The following WNK1 variants were observed in gnomAD, a reference collection of about 807,000 sequenced individuals.
WNK1 encodes the protein WNK lysine deficient protein kinase 1, also known as serine/threonine-protein kinase WNK1.
A neutral mutation model predicts 222.8 loss-of-function variants in WNK1; 38 were observed. The ratio of observed to expected loss-of-function variants is 0.17; its 90% CI spans 0.13 to 0.22. The LOEUF is 0.22. Among genes scored for constraint, WNK1 ranks in the 10% least tolerant of loss-of-function variants. WNK1 has a pLI of 1.00. For missense variants in WNK1, 2,348 were observed against 2,918.4 expected, an observed-to-expected ratio of 0.80 and a Z score of 4.50; for synonymous variants, 1,090 against 1,092.9, an observed-to-expected ratio of 1.00 and a Z score of 0.05.
chr12:814,056 G>A (rs1227102432), intron 2 of WNK1, among the ~76,000 whole-genome samples: 1 of 152,206 alleles, frequency 6.6e-6, no homozygotes, highest in African/African-American at 2.4e-5. Context: ...GCTCATGCCT[G>A]TAATCCCAGC....
chr12:881,926 T>G lies in WNK1; in HGVS notation c.3225T>G (p.Val1075=), dbSNP rs370823965. Residue 1075 remains valine, a synonymous_variant, in exon 14 of 28, where the codon GTT becomes GTG. Coordinates refer to ENST00000315939, the MANE Select transcript of WNK1 (RefSeq NM_018979.4). ...ASSVDSAHSD[V]ASGMSDGNEN... is the part of the protein sequence containing the mutation. ...AATTTCAAAGTGCACATTCAGATGT[T>G]GCTTCAGGTATGAGTGATGGCAATG... is the stretch of plus-strand genomic sequence containing the variant. 2 of 1,614,214 alleles carry G rather than the reference T, an allele frequency of 1.2e-6. No homozygotes were observed. Among genetic ancestry groups the G allele is most frequent in the Non-Finnish European group, 8.5e-7 (1 of 1,180,040 alleles).
chr12:824,625 A>C (rs1159904476), intron 2 of WNK1, among the ~76,000 whole-genome samples: 2 of 151,960 alleles, frequency 1.3e-5, no homozygotes, highest in Non-Finnish European at 2.9e-5. Context: ...ATCTTAAAGG[A>C]TAAACAGGTT....
At chr12:891,084 A>G (rs532570205) in intron 22 of WNK1, among the ~76,000 whole-genome samples, 1 of 152,366 alleles carries the variant, frequency 6.6e-6, no homozygotes, top group East Asian at 1.9e-4. Flanking sequence ...ATTACTACCA[A>G]TAAAAAGAGA....
At chr12:783,404 G>C (rs535113295) in intron 1 of WNK1, among the ~76,000 whole-genome samples, 11 of 152,014 alleles carry the variant, frequency 7.2e-5, no homozygotes, top group African/African-American at 2.7e-4. Flanking sequence ...CTGAATCCCA[G>C]CACTTTGGGA....
intron 21 of WNK1, 78 bp downstream of exon 21, chr12:889,301 A>AC: frequency 8.2e-7 from 1 of 1,212,940 alleles, no homozygotes. Context: ...TGTAACCTAA[A>AC]CCATTATTAA....
At chr12:813,542 C>A in intron 1 of WNK1, 100 bp from the exon 2 acceptor site, 1 of 1,280,366 alleles carries the variant, frequency 7.8e-7, no homozygotes, top group South Asian at 1.3e-5. Context: ...TTTTAAACAC[C>A]ATCGATCATG....
At position 880,966 on chromosome 12, in the gene WNK1, C is replaced by G. The variant is rs751092172; in HGVS notation, c.3078C>G (p.Ala1026=). ...VSQPGGSLAQ[A]PTTSSQQAVL... is the part of the protein sequence containing the mutation. ...AGCCAGGAGGGAGTTTAGCACAAGC[C>G]CCCACTACATCCTCCCAGCAAGCAG... The change falls in exon 12 of 28, where the codon GCC becomes GCG. Residue 1026 remains alanine, a synonymous_variant. Transcript: ENST00000315939. 4 of 1,613,962 alleles carry G rather than the reference C, an allele frequency of 2.5e-6. No individual in the cohort carries two copies. Among genetic ancestry groups the G allele is most frequent in the African/African-American group, 1.3e-5 (1 of 74,884 alleles).
intron 1 of WNK1, among the ~76,000 whole-genome samples, chr12:759,008 T>G (rs938718425): frequency 7.1e-6 from 1 of 141,628 alleles, no homozygotes; most frequent in Non-Finnish European, 1.6e-5. Flanking sequence ...TCAAAGAATT[T>G]CAAAAAATAA....
chr12:844,890 C>CTTTT (rs11352734), intron 4 of WNK1, among the ~76,000 whole-genome samples: 60 of 80,396 alleles, frequency 7.5e-4, no homozygotes, highest in African/African-American at 1.4e-3. Context: ...TGTACCTTCT[C>CTTTT]TTTTTTTTTT....
At chr12:841,621 G>A (rs1231411264) in intron 4 of WNK1, among the ~76,000 whole-genome samples, 1 of 152,024 alleles carries the variant, frequency 6.6e-6, no homozygotes, top group African/African-American at 2.4e-5. Context: ...GTCCATTTGG[G>A]CTGCTATATC....
chr12:894,084 GGC>G (rs1464773381), intron 22 of WNK1, among the ~76,000 whole-genome samples: 3 of 151,984 alleles, frequency 2.0e-5, no homozygotes, highest in African/African-American at 7.2e-5. Context: ...CGGGTGTGGT[GGC>G]ACACGCCTGT....
chr12:841,629 A>G (rs1433816328), intron 4 of WNK1, among the ~76,000 whole-genome samples: 1 of 152,176 alleles, frequency 6.6e-6, no homozygotes, highest in Non-Finnish European at 1.5e-5. Context: ...GGGCTGCTAT[A>G]TCAAAAATGC....
At chr12:889,353 A>G in intron 21 of WNK1, 130 bp downstream of exon 21, 1 of 803,534 alleles carries the variant, frequency 1.2e-6, no homozygotes, top group Non-Finnish European at 2.1e-6. Context: ...ATTCTAGCCA[A>G]AAGAAATGAG....
At chr12:828,825 CCA>C (rs1276880284) in intron 3 of WNK1, among the ~76,000 whole-genome samples, 38 of 152,184 alleles carry the variant, frequency 2.5e-4, no homozygotes, top group Admixed American at 2.5e-3. Flanking sequence ...TTTACTCCCT[CCA>C]AAAGGTGACA....
intron 2 of WNK1, among the ~76,000 whole-genome samples, chr12:820,421 T>C (rs1947751196): frequency 6.6e-6 from 1 of 151,644 alleles, no homozygotes; most frequent in African/African-American, 2.4e-5. Context: ...GTAACTTTAC[T>C]GAATTCTTGT....
At position 885,009 on chromosome 12, in the gene WNK1, C is replaced by G. The variant is rs760850681; in HGVS notation, c.4205C>G (p.Pro1402Arg). Residue 1402 changes from proline (P) to arginine (R), a missense_variant, in exon 19 of 28, where the codon CCT (proline) becomes CGT (arginine). Physicochemically the swap from Pro to Arg is moderately radical, Grantham distance 103. This residue lies in a region of WNK1 where 1,144 missense variants were observed against 1,273.6 expected (regional missense o/e 0.90). Transcript: ENST00000315939. ...ACTTCAGGTGGTCTCCCCATACCAC[C>G]TGTGTCTGAATCACCAGTACTTTCC... ...VVTSGGLPIP[P>R]VSESPVLSSV... The G allele has an allele frequency of 6.2e-7, 1 of 1,614,222 alleles. No homozygotes were observed. Among genetic ancestry groups the G allele is most frequent in the Non-Finnish European group, 8.5e-7 (1 of 1,180,042 alleles).
intron 1 of WNK1, among the ~76,000 whole-genome samples, chr12:767,298 G>A (rs935356977): frequency 1.5e-4 from 19 of 126,214 alleles, no homozygotes; most frequent in African/African-American, 2.4e-4. Context: ...TGTCGCTCAC[G>A]CTGGAGCGCA....
chr12:818,799 T>C (rs1947597145), intron 2 of WNK1, among the ~76,000 whole-genome samples: 1 of 152,262 alleles, frequency 6.6e-6, no homozygotes, highest in African/African-American at 2.4e-5. Flanking sequence ...CACGCATCAG[T>C]ACTTCATCCC....
rs1196221587 is a variant in WNK1 at position 808,642 on chromosome 12, C to G, written c.760-5000C>G. Among the ~76,000 whole-genome samples, 4 of 152,106 alleles carry G rather than the reference C, an allele frequency of 2.6e-5. No individual in the cohort carries two copies. In the East Asian group the frequency reaches 7.7e-4, roughly 29 times the overall value. On this transcript the variant is annotated intron_variant, in intron 1 of 27. Coordinates refer to ENST00000315939, the MANE Select transcript of WNK1 (RefSeq NM_018979.4). ...GCCCTCCAAAGAGAGGTGGAGAGAA[C>G]CTCTTAGACTCCAACTTTTACATAC...
Sources: allele counts gnomAD v4.1 joint callset (sites outside exome capture counted in the v4.1 genomes callset), GRCh38; gene constraint gnomAD v4.1.1; regional missense constraint gnomAD v4.1.1; transcripts MANE v1.5; gene names NCBI Gene and HGNC (gene_info 2026-07-23, HGNC 2026-07-21).